TSPAN9: variants seen among roughly 807,000 people sequenced by gnomAD.
TSPAN9 encodes tetraspanin 9, also known as tetraspanin-9.
Under a neutral mutation model 31.0 loss-of-function variants are expected in TSPAN9, and 16 were observed. The ratio of observed to expected loss-of-function variants is 0.52; its 90% CI spans 0.35 to 0.78. The LOEUF is 0.78. Ranked by LOEUF, TSPAN9 falls within the 30% of genes least tolerant of loss-of-function variation. TSPAN9 has a pLI of 0.01. For missense variants in TSPAN9, 272 were observed against 312.5 expected, an observed-to-expected ratio of 0.87 and a Z score of 0.98; for synonymous variants, 145 against 121.6, an observed-to-expected ratio of 1.19 and a Z score of -1.27.
intron 2 of TSPAN9, among the ~76,000 whole-genome samples, chr12:3,191,460 C>T (rs1230146239): frequency 4.6e-5 from 7 of 152,068 alleles, no homozygotes; most frequent in East Asian, 3.9e-4. Context: ...TTTCAGGGCT[C>T]CAAGGAACCT....
intron 2 of TSPAN9, among the ~76,000 whole-genome samples, chr12:3,132,222 A>G (rs932951849): frequency 1.3e-5 from 2 of 152,278 alleles, no homozygotes; most frequent in African/African-American, 4.8e-5. Context: ...TAGAGCTGCT[A>G]TGAACATTCA....
chr12:3,086,855 CT>C (rs1006609961), intron 2 of TSPAN9, among the ~76,000 whole-genome samples: 10 of 152,228 alleles, frequency 6.6e-5, no homozygotes, highest in African/African-American at 2.2e-4. Context: ...AGGCAACCCC[CT>C]TGAGCCCTCG....
intron 1 of TSPAN9, among the ~76,000 whole-genome samples, chr12:3,079,007 T>G (rs1323859930): frequency 6.7e-6 from 1 of 149,070 alleles, no homozygotes; most frequent in African/African-American, 2.5e-5. Context: ...TGAGACAGAG[T>G]CTCACTCTGT....
intron 2 of TSPAN9, among the ~76,000 whole-genome samples, chr12:3,193,378 G>C (rs959812659): frequency 2.6e-5 from 4 of 152,208 alleles, no homozygotes; most frequent in African/African-American, 9.6e-5. Flanking sequence ...CACATTTTCA[G>C]TACTCCTGGC....
At chr12:3,096,655 G>T (rs935378033) in intron 2 of TSPAN9, among the ~76,000 whole-genome samples, 5 of 151,694 alleles carry the variant, frequency 3.3e-5, no homozygotes, top group Non-Finnish European at 5.9e-5. Flanking sequence ...TATTGCAGGG[G>T]TTTCAAACAT....
chr12:3,180,320 T>G (rs975024997), intron 2 of TSPAN9, among the ~76,000 whole-genome samples: 7 of 152,308 alleles, frequency 4.6e-5, no homozygotes, highest in African/African-American at 1.7e-4. Flanking sequence ...AGTGAGACCC[T>G]GTCTCTACAG....
chr12:3,174,707 C>G lies in TSPAN9; in HGVS notation c.-17-26470C>G, dbSNP rs192106620. On this transcript the variant is annotated intron_variant, in intron 2 of 8. Coordinates refer to ENST00000011898, the MANE Select transcript of TSPAN9 (RefSeq NM_006675.5). The stretch of plus-strand genomic sequence containing the variant: ...GCGCCATTCTCCTGCCTCAGCCTCC[C>G]GAGTAGCTGGGACTACAGGCGCCCA... Among the ~76,000 whole-genome samples the G allele has an allele frequency of 7.3e-5, 11 of 151,480 alleles. No individual in the cohort carries two copies. The East Asian group carries it at 2.2e-3, about 30-fold the overall frequency.
At chr12:3,109,129 G>C (rs976407875) in intron 2 of TSPAN9, among the ~76,000 whole-genome samples, 1 of 151,790 alleles carries the variant, frequency 6.6e-6, no homozygotes, top group Non-Finnish European at 1.5e-5. Flanking sequence ...TAGAGACGGG[G>C]GTTTCACCGT....
Position 3,281,268 on chromosome 12 carries a change from G to T in TSPAN9, c.503G>T (p.Arg168Leu), listed in dbSNP as rs913542547. Reference sequence around the variant, plus strand: ...CTGGGGGAGAACACGGTTCCCGACCGCTGCTGCATGGAGAACTCCCAGGGC... The same window carrying T: ...CTGGGGGAGAACACGGTTCCCGACCTCTGCTGCATGGAGAACTCCCAGGGC... ...PVLGENTVPD[R>L]CCMENSQGCG... Residue 168 changes from arginine to leucine, a missense_variant, in exon 7 of 9, where the codon CGC becomes CTC. Coordinates refer to ENST00000011898, the MANE Select transcript of TSPAN9 (RefSeq NM_006675.5). The T allele has an allele frequency of 6.4e-7, 1 of 1,551,298 alleles. No individual in the cohort carries two copies.
chr12:3,249,638 C>T (rs1862209677), intron 3 of TSPAN9, among the ~76,000 whole-genome samples: 1 of 152,186 alleles, frequency 6.6e-6, no homozygotes, highest in Admixed American at 6.5e-5. Context: ...TAGGGCTGCT[C>T]TCCGAGCACC....
At chr12:3,276,070 G>C (rs1862780355) in intron 3 of TSPAN9, among the ~76,000 whole-genome samples, 1 of 152,152 alleles carries the variant, frequency 6.6e-6, no homozygotes. Flanking sequence ...CTGGCTCCTG[G>C]GAAGAAAGAG....
chr12:3,120,163 G>A (rs2098324427), intron 2 of TSPAN9, among the ~76,000 whole-genome samples: 1 of 152,190 alleles, frequency 6.6e-6, no homozygotes, highest in South Asian at 2.1e-4. Flanking sequence ...AAGCTTTAAT[G>A]TATGCTTTGG....
At chr12:3,243,233 T>A (rs981914281) in intron 3 of TSPAN9, among the ~76,000 whole-genome samples, 89 of 152,316 alleles carry the variant, frequency 5.8e-4, no homozygotes, top group Non-Finnish European at 4.0e-4. Context: ...CATCTCGTTG[T>A]CTGCTGGACT....
chr12:3,274,817 G>T (rs968320370), intron 3 of TSPAN9, among the ~76,000 whole-genome samples: 4 of 152,256 alleles, frequency 2.6e-5, no homozygotes, highest in Admixed American at 2.6e-4. Context: ...GGCACCCGCT[G>T]TACTGCACAG....
intron 2 of TSPAN9, among the ~76,000 whole-genome samples, chr12:3,119,605 G>C (rs1213298693): frequency 2.0e-5 from 3 of 152,182 alleles, no homozygotes. Flanking sequence ...GGAGGGCTGT[G>C]TGCTTCACTG....
intron 3 of TSPAN9, among the ~76,000 whole-genome samples, chr12:3,215,792 C>G (rs902166028): frequency 2.0e-5 from 3 of 152,108 alleles, no homozygotes; most frequent in African/African-American, 7.2e-5. Flanking sequence ...CCGGCACAGC[C>G]TGTATCGGAG....
intron 2 of TSPAN9, among the ~76,000 whole-genome samples, chr12:3,140,412 G>A (rs1280686068): frequency 6.6e-6 from 1 of 152,154 alleles, no homozygotes; most frequent in African/African-American, 2.4e-5. Context: ...GTGCGAAACA[G>A]GTCACAGTAG....
chr12:3,136,969 G>T (rs1365964413), intron 2 of TSPAN9, among the ~76,000 whole-genome samples: 2 of 152,198 alleles, frequency 1.3e-5, no homozygotes, highest in East Asian at 1.9e-4. Flanking sequence ...TGCTGTGAAG[G>T]CTTCGGGTGT....
At chr12:3,124,236 T>C (rs1035302283) in intron 2 of TSPAN9, among the ~76,000 whole-genome samples, 1 of 152,218 alleles carries the variant, frequency 6.6e-6, no homozygotes, top group Non-Finnish European at 1.5e-5. Flanking sequence ...AATGCAACAT[T>C]GCTTAGAATT....
Sources: gnomAD v4.1 joint callset for allele counts (sites outside exome capture counted in the v4.1 genomes callset) on GRCh38, gnomAD v4.1.1 for gene constraint, MANE v1.5 for transcripts, NCBI Gene and HGNC (gene_info 2026-07-23, HGNC 2026-07-21) for gene names.